Variants in PACRG observed in about 807,000 individuals in gnomAD.
PACRG encodes parkin coregulated.
A neutral mutation model predicts 29.7 loss-of-function variants in PACRG; 29 were observed. The ratio of observed to expected loss-of-function variants is 0.98; its 90% CI spans 0.73 to 1.33. The LOEUF (loss-of-function observed/expected upper bound fraction) is 1.33. Ranked by LOEUF, PACRG falls within the 40% of genes most tolerant of loss-of-function variation. PACRG has a pLI of 0.00. For missense variants in PACRG, 279 were observed against 316.2 expected (o/e 0.88, Z 0.89); for synonymous variants, 116 against 118.7 (o/e 0.98, Z 0.15).
chr6:163,255,594 G>C (rs1783075437), intron 4 of PACRG, among the ~76,000 whole-genome samples: 2 of 152,070 alleles, frequency 1.3e-5, no homozygotes, highest in South Asian at 4.1e-4. Context: ...AATCACCTGG[G>C]AACAACAACA....
chr6:162,996,210 TGTG>T (rs1435036906), intron 2 of PACRG, among the ~76,000 whole-genome samples: 3 of 152,174 alleles, frequency 2.0e-5, no homozygotes, highest in Non-Finnish European at 4.4e-5. Context: ...TTAGGTTGAT[TGTG>T]GTGATCATTT....
intron 2 of PACRG, among the ~76,000 whole-genome samples, chr6:162,980,889 C>G (rs940756004): frequency 6.6e-6 from 1 of 151,640 alleles, no homozygotes; most frequent in Admixed American, 6.6e-5. Context: ...CCATTACTTT[C>G]TTTTTTTTTA....
At chr6:162,947,614 A>ATATATATATATATATATAAT (rs1799291104) in intron 2 of PACRG, among the ~76,000 whole-genome samples, 2 of 15,054 alleles carry the variant, frequency 1.3e-4, no homozygotes, top group African/African-American at 5.1e-4. Context: ...ATATAATCAT[A>ATATATATATATATATATAAT]TATATATATA....
At chr6:163,222,590 A>G (rs953426951) in intron 4 of PACRG, among the ~76,000 whole-genome samples, 2 of 152,178 alleles carry the variant, frequency 1.3e-5, no homozygotes, top group Non-Finnish European at 2.9e-5. Flanking sequence ...TTAAAAATAT[A>G]TATATGTGAA....
rs370435467 is a variant in PACRG, at chr6:162,952,316, A to G, written c.292-109834A>G. 1.1e-4 allele frequency among the ~76,000 whole-genome samples: 17 copies of G among 152,346 alleles called. No individual in the cohort carries two copies. The East Asian group carries it at 3.1e-3, about 28-fold the overall frequency. Reference sequence around the variant, plus strand: ...ACATCTAGTTTTTTTGCCTTTCAGCAGCTAGGTATTAAAACTTAGGAACCC... The same window carrying G: ...ACATCTAGTTTTTTTGCCTTTCAGCGGCTAGGTATTAAAACTTAGGAACCC... On this transcript the variant is annotated intron_variant, in intron 2 of 4. Coordinates refer to ENST00000366888, the MANE Select transcript of PACRG (RefSeq NM_001080379.2).
chr6:162,979,261 G>T (rs998662420), intron 2 of PACRG, among the ~76,000 whole-genome samples: 2 of 152,108 alleles, frequency 1.3e-5, no homozygotes, highest in Non-Finnish European at 2.9e-5. Context: ...GTTTTGACTT[G>T]CATTTCCCTG....
At chr6:163,162,219 G>T (rs1049335414) in intron 4 of PACRG, among the ~76,000 whole-genome samples, 3 of 152,218 alleles carry the variant, frequency 2.0e-5, no homozygotes, top group African/African-American at 7.2e-5. Flanking sequence ...CCTACAAAAA[G>T]GACGGTCCTG....
intron 2 of PACRG, among the ~76,000 whole-genome samples, chr6:162,922,359 A>C (rs890353936): frequency 2.7e-5 from 4 of 150,224 alleles, no homozygotes; most frequent in African/African-American, 9.8e-5. Flanking sequence ...CTGTCTGTCT[A>C]CTCTAACACA....
chr6:162,858,698 G>A (rs9346936), intron 2 of PACRG, among the ~76,000 whole-genome samples: 5,164 of 152,222 alleles, frequency 0.034, 316 homozygotes, highest in East Asian at 0.29. Context: ...GGATGAAATG[G>A]CATGCTCCAA....
chr6:163,175,412 G>C (rs766887883), intron 4 of PACRG, among the ~76,000 whole-genome samples: 6 of 151,938 alleles, frequency 3.9e-5, no homozygotes, highest in African/African-American at 7.3e-5. Flanking sequence ...GTTGGCTTGC[G>C]GGGGAGTGGG....
chr6:163,152,937 G>T (rs1778160009), intron 4 of PACRG, among the ~76,000 whole-genome samples: 1 of 152,162 alleles, frequency 6.6e-6, no homozygotes, highest in African/African-American at 2.4e-5. Context: ...GGGTAAAAGG[G>T]TTAGTCAACA....
chr6:163,010,716 G>A (rs1414084185), intron 2 of PACRG, among the ~76,000 whole-genome samples: 2 of 152,156 alleles, frequency 1.3e-5, no homozygotes, highest in African/African-American at 2.4e-5. Flanking sequence ...TTGCAAATTC[G>A]GTCACTCAAC....
intron 4 of PACRG, among the ~76,000 whole-genome samples, chr6:163,216,158 A>G (rs895600350): frequency 6.6e-6 from 1 of 152,196 alleles, no homozygotes; most frequent in African/African-American, 2.4e-5. Context: ...GTGTTGTCTA[A>G]TAGAGAGCTG....
At position 162,823,657 on chromosome 6, in the gene PACRG, G is replaced by A. The variant is rs1163464519; in HGVS notation, c.291+9376G>A. Among the ~76,000 whole-genome samples, 9 of 151,598 alleles carry A rather than the reference G, an allele frequency of 5.9e-5. 1 individual carries two copies. The highest frequency in any genetic ancestry group is 1.2e-4 in the African/African-American group (5 of 41,354). ...CTCCCGAGTAGCTGGGACTACAGGC[G>A]CCCGCCACCACACCCGGCTAATTTT... On this transcript the variant is annotated intron_variant, in intron 2 of 4. Coordinates refer to ENST00000366888, the MANE Select transcript of PACRG (RefSeq NM_001080379.2).
rs1281204299 is a variant in PACRG, at chr6:162,947,465, TATATA to T, written c.292-114679_292-114675del. 1.7e-4 allele frequency among the ~76,000 whole-genome samples: 4 copies of T among 23,124 alleles called. No homozygotes were observed. In the East Asian group the frequency reaches 2.2e-3, roughly 12 times the overall value. The allele number at this position is 23,124 out of a possible 152,430, so 15.2% of individuals were successfully genotyped here. On this transcript the variant is annotated intron_variant, in intron 2 of 4. Transcript: ENST00000366888. ...ATATATATAATCATATATATAATCATATATAATATATATATAATCATATATATACT... is the reference window on the plus strand; with the variant it reads ...ATATATATAATCATATATATAATCATATATATATATAATCATATATATACT...
At chr6:163,156,278 C>T (rs1033420973) in intron 4 of PACRG, among the ~76,000 whole-genome samples, 7 of 152,188 alleles carry the variant, frequency 4.6e-5, no homozygotes, top group Admixed American at 3.9e-4. Flanking sequence ...CTAAAAGCCT[C>T]AAGATCACTC....
At chr6:162,819,124 A>G (rs1787612395) in intron 2 of PACRG, among the ~76,000 whole-genome samples, 1 of 152,178 alleles carries the variant, frequency 6.6e-6, no homozygotes, top group Non-Finnish European at 1.5e-5. Context: ...ATGATATTCC[A>G]TAGCCACCTA....
At chr6:163,212,527 G>C (rs1261433960) in intron 4 of PACRG, among the ~76,000 whole-genome samples, 1 of 152,154 alleles carries the variant, frequency 6.6e-6, no homozygotes, top group Non-Finnish European at 1.5e-5. Flanking sequence ...ATGTGCAGGG[G>C]ACACAGATGC....
chr6:162,727,732 C>CTGGTGGGAGGCGCGGCTG, upstream of PACRG: 2 of 1,519,830 alleles, frequency 1.3e-6, no homozygotes, highest in Non-Finnish European at 1.8e-6. Context: ...GCGCCAGCCG[C>CTGGTGGGAGGCGCGGCTG]GCCTCCCACC....
Sources: gnomAD v4.1 joint callset for allele counts (sites outside exome capture counted in the v4.1 genomes callset) on GRCh38, gnomAD v4.1.1 for gene constraint, MANE v1.5 for transcripts, NCBI Gene and HGNC (gene_info 2026-07-23, HGNC 2026-07-21) for gene names.